The following ENTREP3 variants were observed in gnomAD, a reference collection of about 807,000 sequenced individuals.
The protein encoded by ENTREP3 is endosomal transmembrane epsin interactor 3, also known as protein ENTREP3.
chr1:155,254,621 T>G, the ENTREP3 span: 1 of 1,588,916 alleles, frequency 6.3e-7, no homozygotes, highest in Non-Finnish European at 8.6e-7. The surrounding 1 kb of genome is among the most constrained non-coding windows in gnomAD (Gnocchi z 4.4). Flanking sequence ...CCGAGGAGCC[T>G]CCCCCACCCA....
At chr1:155,253,499 T>C in the ENTREP3 span, 13 of 639,270 alleles carry the variant, frequency 2.0e-5, no homozygotes, top group Non-Finnish European at 2.8e-5. Flanking sequence ...ATGAGGATAA[T>C]AGATAACCCA....
the ENTREP3 span, chr1:155,248,184 A>C: frequency 6.2e-7 from 1 of 1,611,116 alleles, no homozygotes; most frequent in Admixed American, 1.7e-5. Flanking sequence ...GCAGGGCCCG[A>C]GGGCAGGGGA....
chr1:155,250,945 GA>G, the ENTREP3 span: 493 of 1,256,508 alleles, frequency 3.9e-4, 6 homozygotes, highest in African/African-American at 6.1e-3. This position sits in a 1 kb window ranked among gnomAD's most constrained non-coding sequence, Gnocchi z 5.4. Flanking sequence ...TCTCAGAGGA[GA>G]AAAATAAGTC....
the ENTREP3 span, chr1:155,254,910 C>A: frequency 6.6e-7 from 1 of 1,516,494 alleles, no homozygotes; most frequent in Admixed American, 2.0e-5. This position sits in a 1 kb window ranked among gnomAD's most constrained non-coding sequence, Gnocchi z 4.4. Flanking sequence ...CCTCGCTCGG[C>A]CCTCCCTGGC....
chr1:155,254,442 C>A, the ENTREP3 span: 3 of 1,614,216 alleles, frequency 1.9e-6, no homozygotes, highest in Non-Finnish European at 2.5e-6. The surrounding 1 kb of genome is among the most constrained non-coding windows in gnomAD (Gnocchi z 4.4). Context: ...TGCCAACCAC[C>A]CCGGAGAACG....
chr1:155,251,193 G>T, the ENTREP3 span: 4 of 1,549,936 alleles, frequency 2.6e-6, no homozygotes, highest in African/African-American at 5.5e-5. Flanking sequence ...CAAGGGTTCA[G>T]CCCTACACAC....
At chr1:155,252,690 G>GTGTATGTATATATATATA in the ENTREP3 span, 3 of 32,878 alleles carry the variant, frequency 9.1e-5, 1 homozygote, top group African/African-American at 5.6e-4. Flanking sequence ...AATTTTGTGT[G>GTGTATGTATATATATATA]TATATATATA....
the ENTREP3 span, chr1:155,254,879 C>G: frequency 3.6e-4 from 563 of 1,557,520 alleles, 1 homozygote; most frequent in Non-Finnish European, 4.5e-4. The surrounding 1 kb of genome is among the most constrained non-coding windows in gnomAD (Gnocchi z 4.4). Context: ...GGGCATCATG[C>G]CTGCTGCCCG....
the ENTREP3 span, among the ~76,000 whole-genome samples, chr1:155,249,336 C>G: frequency 6.6e-6 from 1 of 152,078 alleles, no homozygotes; most frequent in African/African-American, 2.4e-5. Context: ...GGTGATCCAC[C>G]CACCTCAGCT....
chr1:155,250,869 G>C, the ENTREP3 span: 16 of 1,525,378 alleles, frequency 1.0e-5, no homozygotes, highest in African/African-American at 1.8e-4. The surrounding 1 kb of genome is among the most constrained non-coding windows in gnomAD (Gnocchi z 5.4). Flanking sequence ...GCCTGGCCTA[G>C]CCCTGCCCAG....
chr1:155,254,017 A>G, the ENTREP3 span: 2 of 1,613,088 alleles, frequency 1.2e-6, no homozygotes, highest in East Asian at 4.5e-5. This position sits in a 1 kb window ranked among gnomAD's most constrained non-coding sequence, Gnocchi z 4.4. Context: ...CTGAGTCAGG[A>G]CAAACTGAGG....
At chr1:155,251,095 C>A in the ENTREP3 span, 3 of 1,612,076 alleles carry the variant, frequency 1.9e-6, no homozygotes, top group Non-Finnish European at 2.5e-6. Flanking sequence ...CCCTGCTCAC[C>A]GTCTACAATG....
the ENTREP3 span, chr1:155,254,652 C>G: frequency 1.2e-6 from 2 of 1,606,746 alleles, no homozygotes; most frequent in Non-Finnish European, 1.7e-6. The surrounding 1 kb of genome is among the most constrained non-coding windows in gnomAD (Gnocchi z 4.4). Flanking sequence ...ACCCAACTCA[C>G]CGAGAACCCA....
At chr1:155,253,545 T>G in the ENTREP3 span, 2 of 939,842 alleles carry the variant, frequency 2.1e-6, no homozygotes, top group Non-Finnish European at 3.3e-6. Flanking sequence ...TCTGTAGCCA[T>G]TGTTCCCTCA....
the ENTREP3 span, chr1:155,251,478 C>T: frequency 1.3e-6 from 2 of 1,577,206 alleles, no homozygotes; most frequent in Non-Finnish European, 1.7e-6. Context: ...CCCCAGCCCG[C>T]CCCAAGCCGT....
chr1:155,249,379 C>A, the ENTREP3 span, among the ~76,000 whole-genome samples: 1 of 152,086 alleles, frequency 6.6e-6, no homozygotes, highest in South Asian at 2.1e-4. Flanking sequence ...GTGCAAGCCA[C>A]CGTGCCCGGC....
At chr1:155,253,626 G>T in the ENTREP3 span, 2 of 1,610,826 alleles carry the variant, frequency 1.2e-6, no homozygotes, top group South Asian at 2.2e-5. Flanking sequence ...CCTTCTCACC[G>T]TATGCACGAG....
the ENTREP3 span, chr1:155,254,841 T>G: frequency 6.3e-7 from 1 of 1,593,632 alleles, no homozygotes; most frequent in Non-Finnish European, 8.5e-7. The surrounding 1 kb of genome is among the most constrained non-coding windows in gnomAD (Gnocchi z 4.4). Context: ...GGCCGGCTGG[T>G]CAGCGAGCGG....
the ENTREP3 span, chr1:155,251,553 G>A: frequency 6.8e-6 from 11 of 1,613,888 alleles, no homozygotes; most frequent in Admixed American, 5.0e-5. Flanking sequence ...GGGGGCAATC[G>A]GTAGGGTACA....
Sources: gnomAD v4.1 joint callset for allele counts (sites outside exome capture counted in the v4.1 genomes callset) on GRCh38, gnomAD v4.1.1 for gene constraint, Gnocchi (gnomAD v3.1) non-coding constraint, MANE v1.5 for transcripts, NCBI Gene and HGNC (gene_info 2026-07-23, HGNC 2026-07-21) for gene names.